Variants in HMGA2 observed in about 807,000 individuals in gnomAD.
HMGA2 encodes high mobility group AT-hook 2.
A neutral mutation model predicts 19.1 loss-of-function variants in HMGA2; 8 were observed. That is an observed-to-expected ratio of 0.42 (90% CI 0.25 to 0.76). HMGA2 has a LOEUF of 0.76. Ranked by LOEUF, HMGA2 falls within the 30% of genes least tolerant of loss-of-function variation. The pLI is 0.28. For synonymous variants in HMGA2, 60 were observed against 48.8 expected (o/e 1.23, Z -0.96); for missense variants, 109 against 136.3 (o/e 0.80, Z 1.00).
At chr12:65,834,640 C>T (rs141692725) in intron 2 of HMGA2, among the ~76,000 whole-genome samples, 221 of 151,200 alleles carry the variant, frequency 1.5e-3, no homozygotes, top group Middle Eastern at 3.4e-3. Context: ...CTTTGCCTCC[C>T]TCCTTCCCTT....
intron 3 of HMGA2, among the ~76,000 whole-genome samples, chr12:65,886,592 T>C (rs1381251245): frequency 6.6e-6 from 1 of 151,904 alleles, no homozygotes; most frequent in Non-Finnish European, 1.5e-5. Context: ...CTCCTGACCA[T>C]GTGATCTGCC....
chr12:65,881,610 G>C (rs1461051048), intron 3 of HMGA2: 2 of 640,126 alleles, frequency 3.1e-6, no homozygotes, highest in African/African-American at 3.7e-5. Context: ...TATTGTCCTG[G>C]ACCCAGAGGG....
intron 3 of HMGA2, among the ~76,000 whole-genome samples, chr12:65,907,635 A>G (rs544909778): frequency 1.3e-5 from 2 of 152,260 alleles, no homozygotes; most frequent in South Asian, 2.1e-4. Flanking sequence ...GAGAATAGGG[A>G]ACCGAAAGAT....
chr12:65,855,101 C>T (rs374016869), intron 3 of HMGA2, among the ~76,000 whole-genome samples: 2 of 152,182 alleles, frequency 1.3e-5, no homozygotes, highest in African/African-American at 2.4e-5. Flanking sequence ...ATACAACAGG[C>T]GTATTTGAGT....
intron 3 of HMGA2, among the ~76,000 whole-genome samples, chr12:65,868,593 T>C (rs1335143683): frequency 6.6e-6 from 1 of 152,156 alleles, no homozygotes; most frequent in Non-Finnish European, 1.5e-5. Flanking sequence ...AAGCAAGAGT[T>C]TCTTTTTATA....
chr12:65,949,134 G>C (rs550143490), intron 3 of HMGA2, among the ~76,000 whole-genome samples: 1 of 152,200 alleles, frequency 6.6e-6, no homozygotes, highest in East Asian at 1.9e-4. Flanking sequence ...TTCTTGGTTC[G>C]ATTTTCCCTG....
chr12:65,950,192 G>A (rs1163554500), intron 3 of HMGA2, among the ~76,000 whole-genome samples: 1 of 152,190 alleles, frequency 6.6e-6, no homozygotes, highest in African/African-American at 2.4e-5. Flanking sequence ...ATGAACCAGC[G>A]ATTCCACTCC....
chr12:65,941,601 G>T (rs1484746043), intron 3 of HMGA2, among the ~76,000 whole-genome samples: 1 of 152,150 alleles, frequency 6.6e-6, no homozygotes, highest in Non-Finnish European at 1.5e-5. Flanking sequence ...CTATCCATTT[G>T]TAGTCCTTGA....
At chr12:65,905,644 C>A (rs1458946303) in intron 3 of HMGA2, among the ~76,000 whole-genome samples, 1 of 152,152 alleles carries the variant, frequency 6.6e-6, no homozygotes, top group Non-Finnish European at 1.5e-5. Flanking sequence ...AATGCCTGCC[C>A]TGTATATGCA....
intron 3 of HMGA2, among the ~76,000 whole-genome samples, chr12:65,904,032 G>T (rs955149999): frequency 2.6e-5 from 4 of 152,250 alleles, no homozygotes; most frequent in African/African-American, 9.6e-5. Context: ...AACACATCGC[G>T]TAGCGATCCA....
intron 3 of HMGA2, chr12:65,859,091 C>T (rs781297117): frequency 3.3e-5 from 5 of 152,190 alleles, no homozygotes; most frequent in Non-Finnish European, 5.9e-5. Context: ...GGGACTGAAA[C>T]AATTACAAGA....
At chr12:65,907,982 T>G (rs1270652833) in intron 3 of HMGA2, among the ~76,000 whole-genome samples, 1 of 152,188 alleles carries the variant, frequency 6.6e-6, no homozygotes, top group Non-Finnish European at 1.5e-5. Flanking sequence ...TTACACTTAA[T>G]TACTCAAATC....
At chr12:65,856,917 G>C (rs1426062894) in intron 3 of HMGA2, 2 of 152,156 alleles carry the variant, frequency 1.3e-5, no homozygotes, top group African/African-American at 4.8e-5. Flanking sequence ...ATCCTACCTT[G>C]ATTATATCTG....
chr12:65,838,998 C>CTTTTTTTTTTTTTTTTTTTT lies in HMGA2; in HGVS notation c.249+441_249+442insTTTTTTTTTTTTTTTTTTTT. Among the ~76,000 whole-genome samples the CTTTTTTTTTTTTTTTTTTTT allele has an allele frequency of 7.4e-4, 79 of 107,132 alleles. 3 individuals carry two copies. Among genetic ancestry groups the CTTTTTTTTTTTTTTTTTTTT allele is most frequent in the East Asian group, 2.2e-3 (8 of 3,602 alleles). 70.3% of individuals were successfully genotyped at this position (107,132 alleles called of 152,430 possible). A position where few individuals can be genotyped will look rare whatever the true frequency, so the allele number is the denominator to read the frequency against. On this transcript the variant is annotated intron_variant, in intron 3 of 4. Transcript: ENST00000403681. ...TTTCTTTTTCTTTCTTTTTCTTTTT[C>CTTTTTTTTTTTTTTTTTTTT]TTTTTTTTTTTTGGTTTTCTCCATG...
chr12:65,952,109 A>G (rs925159762), intron 4 of HMGA2: 5 of 407,432 alleles, frequency 1.2e-5, no homozygotes, highest in African/African-American at 1.0e-4. Flanking sequence ...TGAAGTATAA[A>G]TTAACCAGGA....
chr12:65,842,629 A>G (rs1180544827), intron 3 of HMGA2: 5 of 1,535,564 alleles, frequency 3.3e-6, no homozygotes, highest in East Asian at 4.9e-5. Context: ...CTTTCTTCCA[A>G]TAGCAGAGAT....
chr12:65,841,640 G>C (rs1871000454), intron 3 of HMGA2, among the ~76,000 whole-genome samples: 1 of 152,178 alleles, frequency 6.6e-6, no homozygotes, highest in African/African-American at 2.4e-5. Context: ...CGATTTCCTT[G>C]AGTTAGAGAT....
At chr12:65,902,782 C>G (rs1874427065) in intron 3 of HMGA2, among the ~76,000 whole-genome samples, 1 of 152,104 alleles carries the variant, frequency 6.6e-6, no homozygotes, top group Non-Finnish European at 1.5e-5. Flanking sequence ...AAATTTTTGA[C>G]CTGCTGATAC....
intron 2 of HMGA2, among the ~76,000 whole-genome samples, chr12:65,831,615 G>T (rs886417797): frequency 6.6e-6 from 1 of 151,824 alleles, no homozygotes; most frequent in Non-Finnish European, 1.5e-5. Flanking sequence ...TGTGTTCAGA[G>T]TAAATGTTTA....
Sources: gnomAD v4.1 joint callset for allele counts (sites outside exome capture counted in the v4.1 genomes callset) on GRCh38, gnomAD v4.1.1 for gene constraint, MANE v1.5 for transcripts, NCBI Gene and HGNC (gene_info 2026-07-23, HGNC 2026-07-21) for gene names.